Variants in FER observed in about 807,000 individuals in gnomAD.
The protein encoded by FER is FER tyrosine kinase.
In FER, 63 loss-of-function variants were observed where a neutral mutation model predicts 111.0. That is an observed-to-expected ratio of 0.57 (90% CI 0.46 to 0.70). FER has a LOEUF of 0.70. Among genes scored for constraint, FER ranks in the 30% least tolerant of loss-of-function variants. The pLI is 0.00. For synonymous variants in FER, 327 were observed against 313.9 expected, an observed-to-expected ratio of 1.04 and a Z score of -0.44; for missense variants, 914 against 954.0, an observed-to-expected ratio of 0.96 and a Z score of 0.55.
chr5:108,788,341 T>G (rs755289403), intron 2 of FER, among the ~76,000 whole-genome samples: 3 of 152,102 alleles, frequency 2.0e-5, no homozygotes, highest in Non-Finnish European at 2.9e-5. Context: ...CACACACCCC[T>G]TGCTGCTCCA....
intron 16 of FER, among the ~76,000 whole-genome samples, chr5:109,080,501 A>G (rs1776865489): frequency 6.6e-6 from 1 of 152,130 alleles, no homozygotes; most frequent in Admixed American, 6.6e-5. Context: ...ATTTTCAGGT[A>G]TCGGTGAAAG....
At chr5:109,173,743 TATA>T (rs1177968767) in intron 17 of FER, among the ~76,000 whole-genome samples, 3 of 140,444 alleles carry the variant, frequency 2.1e-5, no homozygotes, top group Non-Finnish European at 3.1e-5. Flanking sequence ...GAGTAAGTGG[TATA>T]ATATGTACCT....
intron 13 of FER, among the ~76,000 whole-genome samples, chr5:109,007,968 C>T (rs184406251): frequency 1.3e-5 from 2 of 152,204 alleles, no homozygotes; most frequent in East Asian, 1.9e-4. Context: ...TTTAGCTACT[C>T]TCATAGGTAT....
intron 13 of FER, among the ~76,000 whole-genome samples, chr5:109,015,549 T>TGTC (rs1554117204): frequency 4.6e-5 from 7 of 152,088 alleles, no homozygotes; most frequent in African/African-American, 1.7e-4. Flanking sequence ...AAAGAGCTTC[T>TGTC]ATCTGCCAGT....
chr5:108,904,975 G>A lies in FER; in HGVS notation c.1236+7127G>A, dbSNP rs371752933. On this transcript the variant is annotated intron_variant, in intron 10 of 19. Coordinates refer to ENST00000281092, the MANE Select transcript of FER (RefSeq NM_005246.4). The stretch of plus-strand genomic sequence containing the variant: ...TATATTTACAGTTGTATGTTATACT[G>A]TATATAAATTTGATATATAAATTTC... Among the ~76,000 whole-genome samples, 4 of 152,100 alleles carry A rather than the reference G, an allele frequency of 2.6e-5. No individual in the cohort carries two copies. The South Asian group carries it at 6.2e-4, about 24-fold the overall frequency.
intron 16 of FER, among the ~76,000 whole-genome samples, chr5:109,076,974 C>T (rs1028118153): frequency 1.3e-5 from 2 of 152,184 alleles, no homozygotes; most frequent in Admixed American, 6.5e-5. Context: ...ATACACAGAG[C>T]TAACTTATTT....
chr5:109,070,671 C>A lies in FER; in HGVS notation c.1924+23473C>A, dbSNP rs375203419. 9.7e-4 allele frequency among the ~76,000 whole-genome samples: 147 copies of A among 151,746 alleles called. 1 individual carries two copies. Among genetic ancestry groups the A allele is most frequent in the Middle Eastern group, 6.8e-3 (2 of 294 alleles). ...GGCTCTAGTCAGTATGATTTAGACT[C>A]AATACTTGGGAAAAGAAAGTAGAGA... On this transcript the variant is annotated intron_variant, in intron 16 of 19. Coordinates refer to ENST00000281092, the MANE Select transcript of FER (RefSeq NM_005246.4).
chr5:108,906,923 CT>C, intron 10 of FER, among the ~76,000 whole-genome samples: 1 of 152,040 alleles, frequency 6.6e-6, no homozygotes, highest in Non-Finnish European at 1.5e-5. Context: ...TGGTCCCTTT[CT>C]CTCAGTATTG....
intron 14 of FER, among the ~76,000 whole-genome samples, chr5:109,039,180 TTATAA>T (rs1162790026): frequency 5.3e-5 from 8 of 151,822 alleles, no homozygotes; most frequent in Admixed American, 2.6e-4. Flanking sequence ...TGGAGTTAAG[TTATAA>T]TATAAGGTAA....
chr5:109,116,588 G>A (rs2126456756), intron 17 of FER, among the ~76,000 whole-genome samples: 1 of 152,206 alleles, frequency 6.6e-6, no homozygotes, highest in South Asian at 2.1e-4. Context: ...TCTGCATCAA[G>A]TTATTCATTT....
chr5:108,908,515 A>G (rs1455616751), intron 10 of FER, among the ~76,000 whole-genome samples: 1 of 152,220 alleles, frequency 6.6e-6, no homozygotes, highest in Non-Finnish European at 1.5e-5. Context: ...ATTTTTAAAA[A>G]TAATTTCATT....
At chr5:108,945,632 T>G (rs537868270) in intron 10 of FER, among the ~76,000 whole-genome samples, 3 of 152,202 alleles carry the variant, frequency 2.0e-5, no homozygotes, top group Non-Finnish European at 4.4e-5. Context: ...CATGTGAATC[T>G]TTGGGAAACT....
chr5:109,030,103 G>A (rs1363601716), intron 13 of FER, among the ~76,000 whole-genome samples: 1 of 151,828 alleles, frequency 6.6e-6, no homozygotes, highest in Non-Finnish European at 1.5e-5. Flanking sequence ...TTACTATTGA[G>A]CCCATTCAGT....
At chr5:109,058,538 T>A (rs1158787045) in intron 16 of FER, among the ~76,000 whole-genome samples, 2 of 151,954 alleles carry the variant, frequency 1.3e-5, no homozygotes, top group African/African-American at 4.8e-5. Flanking sequence ...ACTTTTTGGA[T>A]TTATGGTTGA....
chr5:109,077,529 C>T (rs1314802972), intron 16 of FER, among the ~76,000 whole-genome samples: 1 of 152,110 alleles, frequency 6.6e-6, no homozygotes, highest in Non-Finnish European at 1.5e-5. Context: ...ATTGATTCTT[C>T]CCAGTTACCA....
Position 108,997,310 on chromosome 5 carries a change from C to T in FER, c.1656+37963C>T, listed in dbSNP as rs541919322. On this transcript the variant is annotated intron_variant, in intron 13 of 19. Coordinates refer to ENST00000281092, the MANE Select transcript of FER (RefSeq NM_005246.4). ...GTGGGCGCCTGTAGTCCCAGCTACT[C>T]GGGAGGCTGAGGCAGGAGAATGGCG... Among the ~76,000 whole-genome samples the T allele has an allele frequency of 1.5e-3, 218 of 148,366 alleles. 1 individual carries two copies. Among genetic ancestry groups the T allele is most frequent in the African/African-American group, 5.0e-3 (201 of 40,210 alleles).
At chr5:108,915,017 A>G (rs965299900) in intron 10 of FER, among the ~76,000 whole-genome samples, 3 of 152,188 alleles carry the variant, frequency 2.0e-5, no homozygotes, top group Admixed American at 1.3e-4. Flanking sequence ...GAGTTGAAGT[A>G]AAGTAGGATA....
chr5:108,833,322 G>A (rs1013867023), intron 4 of FER, among the ~76,000 whole-genome samples: 36 of 152,108 alleles, frequency 2.4e-4, no homozygotes, highest in South Asian at 4.2e-4. Context: ...TTAAATTTAC[G>A]TATCCCTCAT....
Position 109,187,570 on chromosome 5 carries a change from A to T in FER, c.2464A>T (p.Thr822Ser). 1 of 1,614,072 alleles carries T rather than the reference A, an allele frequency of 6.2e-7. No homozygotes were observed. The change falls in exon 20 of 20, where the codon ACA becomes TCA. Residue 822 changes from threonine to serine, a missense_variant. This residue lies in a region of FER where 134 missense variants were observed against 149.4 expected (regional missense o/e 0.90). Transcript: ENST00000281092. Reference sequence around the variant, plus strand: ...GCTCACTATCATCAAGAGAAAACTCACATAGTGACAGGATGGCGCCAAACT... The same window carrying T: ...GCTCACTATCATCAAGAGAAAACTCTCATAGTGACAGGATGGCGCCAAACT... ...KELTIIKRKL[T>S]
Sources: allele counts gnomAD v4.1 joint callset (sites outside exome capture counted in the v4.1 genomes callset), GRCh38; gene constraint gnomAD v4.1.1; regional missense constraint gnomAD v4.1.1; transcripts MANE v1.5; gene names NCBI Gene and HGNC (gene_info 2026-07-23, HGNC 2026-07-21).